The following IPCEF1 variants were observed in gnomAD, a reference collection of about 807,000 sequenced individuals.
IPCEF1 encodes interactor protein for cytohesin exchange factors 1.
Under a neutral mutation model 50.9 loss-of-function variants are expected in IPCEF1, and 31 were observed. That is an observed-to-expected ratio of 0.61 (90% CI 0.46 to 0.82). The LOEUF (loss-of-function observed/expected upper bound fraction) is 0.82, where lower values mean the gene tolerates loss of function less well. Among genes scored for constraint, IPCEF1 ranks in the 40% least tolerant of loss-of-function variants. The pLI is 0.00. For synonymous variants in IPCEF1, 181 were observed against 192.0 expected (o/e 0.94, Z 0.47); for missense variants, 458 against 514.0 (o/e 0.89, Z 1.05).
At chr6:154,257,665 CTTTT>C (rs1055868275) in intron 3 of IPCEF1, among the ~76,000 whole-genome samples, 3 of 151,986 alleles carry the variant, frequency 2.0e-5, no homozygotes, top group African/African-American at 4.8e-5. Flanking sequence ...AAACTTTTTG[CTTTT>C]TTGTTTTGTT....
At chr6:154,179,356 T>G (rs1239498466) in intron 10 of IPCEF1, among the ~76,000 whole-genome samples, 3 of 152,204 alleles carry the variant, frequency 2.0e-5, no homozygotes, top group African/African-American at 7.2e-5. Flanking sequence ...TTTTATATAT[T>G]TTTCTAAATT....
intron 10 of IPCEF1, among the ~76,000 whole-genome samples, chr6:154,187,390 G>C (rs1403407354): frequency 6.6e-6 from 1 of 152,242 alleles, no homozygotes; most frequent in East Asian, 1.9e-4. Flanking sequence ...AGCTCTGTAG[G>C]GCTGTTTATT....
intron 5 of IPCEF1, among the ~76,000 whole-genome samples, chr6:154,244,025 G>A (rs1198570393): frequency 6.6e-6 from 1 of 152,230 alleles, no homozygotes; most frequent in Non-Finnish European, 1.5e-5. Flanking sequence ...CTGAGGAAGT[G>A]TAGGGACGGG....
At chr6:154,281,472 G>A (rs1316173233) in intron 2 of IPCEF1, among the ~76,000 whole-genome samples, 1 of 152,166 alleles carries the variant, frequency 6.6e-6, no homozygotes, top group East Asian at 1.9e-4. Flanking sequence ...GTTGCAGTGA[G>A]CCATACTGCA....
chr6:154,211,165 C>T (rs1484780317), intron 9 of IPCEF1, among the ~76,000 whole-genome samples: 1 of 152,050 alleles, frequency 6.6e-6, no homozygotes, highest in African/African-American at 2.4e-5. Context: ...GCTTGTAATC[C>T]CAGCACTTTG....
At chr6:154,343,908 G>A (rs1783971358) in intron 1 of IPCEF1, among the ~76,000 whole-genome samples, 1 of 152,196 alleles carries the variant, frequency 6.6e-6, no homozygotes, top group Non-Finnish European at 1.5e-5. Flanking sequence ...GCCCCGTGGT[G>A]TGCCTGGCAG....
intron 1 of IPCEF1, among the ~76,000 whole-genome samples, chr6:154,355,903 G>A (rs1041462084): frequency 4.6e-5 from 7 of 151,140 alleles, no homozygotes; most frequent in African/African-American, 7.3e-5. Flanking sequence ...TCCTCTCGCC[G>A]TGGTCACCCA....
intron 1 of IPCEF1, among the ~76,000 whole-genome samples, chr6:154,315,832 T>TGG (rs570496628): frequency 8.8e-5 from 13 of 147,470 alleles, no homozygotes; most frequent in African/African-American, 3.5e-4. Flanking sequence ...CAATTTTTTT[T>TGG]GGGGGGGAGC....
intron 10 of IPCEF1, among the ~76,000 whole-genome samples, chr6:154,196,026 G>A (rs574560939): frequency 5.7e-4 from 86 of 152,056 alleles, no homozygotes; most frequent in African/African-American, 2.0e-3. Context: ...TCCTGACCTC[G>A]TGATCCGCCT....
chr6:154,260,881 C>T (rs941177740), intron 3 of IPCEF1, among the ~76,000 whole-genome samples: 1 of 152,236 alleles, frequency 6.6e-6, no homozygotes, highest in Non-Finnish European at 1.5e-5. Flanking sequence ...ATCATGATTT[C>T]GTGCATAACA....
chr6:154,331,033 G>A (rs1428276729), intron 1 of IPCEF1, among the ~76,000 whole-genome samples: 1 of 152,080 alleles, frequency 6.6e-6, no homozygotes, highest in Non-Finnish European at 1.5e-5. Context: ...TCAGGAGGCC[G>A]AGGCGGGTGG....
At chr6:154,175,865 A>T (rs1056521620) in intron 10 of IPCEF1, among the ~76,000 whole-genome samples, 1 of 152,158 alleles carries the variant, frequency 6.6e-6, no homozygotes, top group Admixed American at 6.5e-5. Context: ...CAGAGACACA[A>T]CAAAAAAAGG....
At position 154,161,516 on chromosome 6, in the gene IPCEF1, C is replaced by A. The variant is rs1799018579; in HGVS notation, c.1105-1476G>T. ...GCGTGAGCCACTGCACCTGGCCTAC[C>A]CAATTTTTCAAAACCCGTAAATCTA... On this transcript the variant is annotated intron_variant, in intron 11 of 11. Transcript: ENST00000367220. Among the ~76,000 whole-genome samples, 3 of 151,984 alleles carry A rather than the reference C, an allele frequency of 2.0e-5. No homozygotes were observed. In the South Asian group the frequency reaches 6.2e-4, roughly 32 times the overall value.
chr6:154,161,303 C>T (rs1798998945), intron 11 of IPCEF1, among the ~76,000 whole-genome samples: 2 of 151,766 alleles, frequency 1.3e-5, no homozygotes, highest in African/African-American at 4.8e-5. Flanking sequence ...CTCTGCCTCC[C>T]AGGTTCAAGC....
At chr6:154,260,526 G>A (rs1781571992) in intron 3 of IPCEF1, among the ~76,000 whole-genome samples, 1 of 147,204 alleles carries the variant, frequency 6.8e-6, no homozygotes, top group Admixed American at 6.9e-5. Flanking sequence ...AGGCTAGAGT[G>A]CAGTGGCGCC....
At chr6:154,268,358 G>A (rs1781811634) in intron 2 of IPCEF1, among the ~76,000 whole-genome samples, 6 of 152,200 alleles carry the variant, frequency 3.9e-5, no homozygotes, top group Admixed American at 3.9e-4. Context: ...CTGTGGTTTG[G>A]GTAGCTGCAG....
chr6:154,247,041 G>A, intron 4 of IPCEF1: 1 of 410,490 alleles, frequency 2.4e-6, no homozygotes, highest in Non-Finnish European at 4.3e-6. Flanking sequence ...GGAGTAATAT[G>A]CAAGTATTAG....
At chr6:154,354,366 C>T (rs1370903110) in intron 1 of IPCEF1, among the ~76,000 whole-genome samples, 1 of 132,420 alleles carries the variant, frequency 7.6e-6, no homozygotes, top group Non-Finnish European at 1.6e-5. Flanking sequence ...ACCATCACTT[C>T]TACCATCTGT....
rs138254368 is a variant in IPCEF1 at position 154,266,350 on chromosome 6, A to G, written c.-17-386T>C. ...CAGTGAGCTATAATGGCACCACTGC[A>G]CTCCAGCCTAAGTGACAGAACAAGA... On this transcript the variant is annotated intron_variant, in intron 2 of 11. Coordinates refer to ENST00000367220, the MANE Select transcript of IPCEF1 (RefSeq NM_001130700.2). 9.2e-5 allele frequency among the ~76,000 whole-genome samples: 14 copies of G among 151,982 alleles called. No homozygotes were observed. The East Asian group carries it at 2.5e-3, about 27-fold the overall frequency.
Sources: gnomAD v4.1 joint callset for allele counts (sites outside exome capture counted in the v4.1 genomes callset) on GRCh38, gnomAD v4.1.1 for gene constraint, MANE v1.5 for transcripts, NCBI Gene and HGNC (gene_info 2026-07-23, HGNC 2026-07-21) for gene names.